PIK3C3: variants seen among roughly 807,000 people sequenced by gnomAD.
The protein encoded by PIK3C3 is PI3-kinase type 3.
Under a neutral mutation model 126.1 loss-of-function variants are expected in PIK3C3, and 95 were observed. The ratio of observed to expected loss-of-function variants is 0.75; its 90% CI spans 0.64 to 0.89. The LOEUF (loss-of-function observed/expected upper bound fraction) is 0.89. Ranked by LOEUF, PIK3C3 falls within the 40% of genes least tolerant of loss-of-function variation. The pLI is 0.00. For missense variants in PIK3C3, 829 were observed against 1,063.2 expected, an observed-to-expected ratio of 0.78 and a Z score of 3.06; for synonymous variants, 374 against 360.0, an observed-to-expected ratio of 1.04 and a Z score of -0.44.
chr18:41,982,720 C>G (rs1021834609), intron 4 of PIK3C3, among the ~76,000 whole-genome samples: 1 of 152,136 alleles, frequency 6.6e-6, no homozygotes, highest in African/African-American at 2.4e-5. Context: ...AAGATAATCA[C>G]TAGCACTTTG....
intron 23 of PIK3C3, 63 bp from the exon 24 acceptor site, chr18:42,067,325 T>A: frequency 6.8e-7 from 1 of 1,478,560 alleles, no homozygotes; most frequent in Non-Finnish European, 9.4e-7. Flanking sequence ...TCAGTTTGAT[T>A]CTGCCTGTTC....
At chr18:42,059,161 C>G (rs1042288005) in intron 22 of PIK3C3, among the ~76,000 whole-genome samples, 1 of 152,162 alleles carries the variant, frequency 6.6e-6, no homozygotes, top group Admixed American at 6.5e-5. Context: ...GGTTTTCTTA[C>G]AGTAATGGGG....
intron 19 of PIK3C3, 103 bp downstream of exon 19, chr18:42,040,844 TTTTC>T (rs1478443663): frequency 8.7e-5 from 67 of 768,590 alleles, no homozygotes; most frequent in Non-Finnish European, 1.4e-4. Context: ...CTTTTATCAT[TTTTC>T]TTTCTTCAAG....
At chr18:42,019,293 C>T (rs1212357759) in intron 12 of PIK3C3, among the ~76,000 whole-genome samples, 2 of 152,144 alleles carry the variant, frequency 1.3e-5, no homozygotes, top group African/African-American at 4.8e-5. Context: ...AACCACATCT[C>T]TTGAAACAGC....
intron 11 of PIK3C3, among the ~76,000 whole-genome samples, chr18:42,014,449 C>T (rs1040974031): frequency 6.6e-6 from 1 of 152,154 alleles, no homozygotes; most frequent in Admixed American, 6.5e-5. Context: ...TATCGTGTTA[C>T]AACTGTCCTC....
rs548000020 is a variant in PIK3C3, at chr18:41,981,808, A to G, written c.532-6004A>G. On this transcript the variant is annotated intron_variant, in intron 4 of 24. Coordinates refer to ENST00000262039, the MANE Select transcript of PIK3C3 (RefSeq NM_002647.4). ...AACCCCTTCTGTACTAAAAATACAA[A>G]AAAAAAAAAAAGAAAAAATTAGCCA... 4.0e-5 allele frequency among the ~76,000 whole-genome samples: 6 copies of G among 150,610 alleles called. No individual in the cohort carries two copies. In the East Asian group the frequency reaches 1.2e-3, roughly 29 times the overall value.
At chr18:42,031,448 G>T (rs536566593) in intron 15 of PIK3C3, among the ~76,000 whole-genome samples, 3 of 151,928 alleles carry the variant, frequency 2.0e-5, no homozygotes, top group South Asian at 4.1e-4. Context: ...ACATAGTCTT[G>T]CTCCGTCGTC....
chr18:41,993,328 C>T lies in PIK3C3; in HGVS notation c.773C>T (p.Pro258Leu). ...TTTGAATTAGTGAAAGTTCCTGACC[C>T]CCAGATGTCTATGGTAAGTTATTGT... ...TSFELVKVPD[P>L]QMSMENLVES... The change falls in exon 7 of 25, where the codon CCC (proline) becomes CTC (leucine). Residue 258 changes from proline (P) to leucine (L), a missense_variant. This residue lies in a region of PIK3C3 where 313 missense variants were observed against 340.7 expected (regional missense o/e 0.92). Coordinates refer to ENST00000262039, the MANE Select transcript of PIK3C3 (RefSeq NM_002647.4). The T allele has an allele frequency of 6.2e-7, 1 of 1,605,042 alleles. No individual in the cohort carries two copies. The highest frequency in any genetic ancestry group is 2.2e-5 in the East Asian group (1 of 44,668).
chr18:41,971,560 C>G (rs551826362), intron 4 of PIK3C3: 12 of 152,034 alleles, frequency 7.9e-5, no homozygotes, highest in African/African-American at 2.9e-4. Context: ...ATTTTGTTTG[C>G]ATTCTGACGT....
At chr18:42,022,723 T>A (rs1413700506) in intron 13 of PIK3C3, among the ~76,000 whole-genome samples, 1 of 152,160 alleles carries the variant, frequency 6.6e-6, no homozygotes, top group African/African-American at 2.4e-5. Context: ...TTTAATATAA[T>A]ATTCATAAAA....
intron 20 of PIK3C3, among the ~76,000 whole-genome samples, chr18:42,044,511 C>G (rs957050707): frequency 4.6e-5 from 7 of 152,106 alleles, no homozygotes; most frequent in Non-Finnish European, 8.8e-5. Context: ...CTCCCAGGCT[C>G]AGGTGATTCT....
chr18:42,054,154 A>G (rs868124645), intron 21 of PIK3C3, among the ~76,000 whole-genome samples: 15 of 33,492 alleles, frequency 4.5e-4, no homozygotes, highest in African/African-American at 1.3e-3. Context: ...ATATATATAT[A>G]TATATATATA....
At chr18:41,974,758 C>T (rs981785337) in intron 4 of PIK3C3, among the ~76,000 whole-genome samples, 34 of 152,130 alleles carry the variant, frequency 2.2e-4, no homozygotes, top group African/African-American at 8.2e-4. Flanking sequence ...TTCCCATCTG[C>T]TCTGTTTTTC....
At chr18:42,043,162 G>A (rs1350046244) in intron 19 of PIK3C3, among the ~76,000 whole-genome samples, 5 of 151,136 alleles carry the variant, frequency 3.3e-5, no homozygotes, top group African/African-American at 9.7e-5. Flanking sequence ...GCAGTGGTGC[G>A]ATCTCGGCTC....
chr18:41,991,682 GTTTA>G lies in PIK3C3; in HGVS notation c.714+1134_714+1137del, dbSNP rs199824038. Among the ~76,000 whole-genome samples the G allele has an allele frequency of 1.7e-4, 26 of 152,170 alleles. No individual in the cohort carries two copies. The East Asian group carries it at 3.5e-3, about 20-fold the overall frequency. ...CATAATGAAGGTTTGAGTTTTTACA[GTTTA>G]TTTATGATCTTTTTTCAAGTTACTG... On this transcript the variant is annotated intron_variant, in intron 6 of 24. Transcript: ENST00000262039.
chr18:41,974,639 T>C (rs1018227551), intron 4 of PIK3C3, among the ~76,000 whole-genome samples: 2 of 152,058 alleles, frequency 1.3e-5, no homozygotes, highest in Non-Finnish European at 2.9e-5. Context: ...TTGAATTGAT[T>C]TGTGAAAATA....
At chr18:42,015,039 T>C (rs1054605949) in intron 11 of PIK3C3, among the ~76,000 whole-genome samples, 119 of 152,340 alleles carry the variant, frequency 7.8e-4, no homozygotes, top group African/African-American at 2.8e-3. Context: ...AACCTAGTCT[T>C]TTCCAACTTA....
At chr18:42,079,312 G>A (rs1986151100) in intron 24 of PIK3C3, among the ~76,000 whole-genome samples, 2 of 152,162 alleles carry the variant, frequency 1.3e-5, no homozygotes. Context: ...GCCAGTTGGT[G>A]GAGTAGTCAG....
rs533537288 is a variant in PIK3C3, at chr18:42,004,842, A to G, written c.1170+301A>G. On this transcript the variant is annotated intron_variant, in intron 10 of 24. Coordinates refer to ENST00000262039, the MANE Select transcript of PIK3C3 (RefSeq NM_002647.4). ...TGCTCTGTCTGGAAGAAGGAATTCT[A>G]GTGAAAAATGGTTTAATGCAGCACC... Among the ~76,000 whole-genome samples, 5 of 152,304 alleles carry G rather than the reference A, an allele frequency of 3.3e-5. No homozygotes were observed. In the East Asian group the frequency reaches 5.8e-4, roughly 18 times the overall value.
Sources: gnomAD v4.1 joint callset for allele counts (sites outside exome capture counted in the v4.1 genomes callset) on GRCh38, gnomAD v4.1.1 for gene constraint, gnomAD v4.1.1 regional missense constraint, MANE v1.5 for transcripts, NCBI Gene and HGNC (gene_info 2026-07-23, HGNC 2026-07-21) for gene names.